Variants in EYS observed in about 807,000 individuals in gnomAD.
EYS encodes the protein EGF-like photoreceptor maintenance factor, also known as protein eyes shut homolog.
In EYS, 250 loss-of-function variants were observed where a neutral mutation model predicts 282.1. The ratio of observed to expected loss-of-function variants is 0.89; its 90% CI spans 0.80 to 0.98. The LOEUF is 0.98. Among genes scored for constraint, EYS ranks in the 50% least tolerant of loss-of-function variants. The pLI, the probability that EYS is intolerant of heterozygous loss-of-function variation, is 0.00. For synonymous variants in EYS, 1,355 were observed against 1,282.9 expected (o/e 1.06, Z -1.20); for missense variants, 4,016 against 3,709.0 (o/e 1.08, Z -2.15).
intron 36 of EYS, among the ~76,000 whole-genome samples, chr6:63,839,560 A>G (rs4710445): frequency 0.99 from 151,301 of 152,260 alleles, 75,180 homozygotes; most frequent in Middle Eastern, 1. Flanking sequence ...TATGGCCCAG[A>G]GTGGTTTTGA....
intron 37 of EYS, among the ~76,000 whole-genome samples, chr6:63,800,564 G>A (rs938610908): frequency 1.3e-5 from 2 of 152,198 alleles, no homozygotes; most frequent in African/African-American, 2.4e-5. Flanking sequence ...CACTTTGGGC[G>A]GCTGAGGTGG....
At chr6:64,308,083 C>A (rs72883959) in intron 29 of EYS, among the ~76,000 whole-genome samples, 1,788 of 152,088 alleles carry the variant, frequency 0.012, 18 homozygotes, top group Non-Finnish European at 0.018. Context: ...CTGTTTCTTG[C>A]AGTTTTTTCT....
chr6:65,209,636 G>A (rs1766123621), intron 12 of EYS, among the ~76,000 whole-genome samples: 1 of 151,896 alleles, frequency 6.6e-6, no homozygotes, highest in African/African-American at 2.4e-5. Context: ...GAACATACAT[G>A]TTTGTGGGGA....
chr6:64,023,372 T>C (rs1241518709), intron 33 of EYS, among the ~76,000 whole-genome samples: 2 of 152,210 alleles, frequency 1.3e-5, no homozygotes, highest in African/African-American at 2.4e-5. Context: ...GGGGTGGAAT[T>C]GTGGGGGTCA....
intron 12 of EYS, among the ~76,000 whole-genome samples, chr6:65,250,899 TACCTTAATG>T (rs1377455213): frequency 6.6e-6 from 1 of 151,872 alleles, no homozygotes; most frequent in Non-Finnish European, 1.5e-5. Context: ...CTAGTCCTCA[TACCTTAATG>T]TAAAATTTAG....
chr6:64,436,184 G>GT lies in EYS; in HGVS notation c.5916dup (p.Leu1973ThrfsTer11), dbSNP rs1774741085. ...AAATAATTATCTTACCTGATAAGCAGTGTATACTTTTGCCCGTTGTCCACT... is the reference window on the plus strand; with the variant it reads ...AAATAATTATCTTACCTGATAAGCAGTTGTATACTTTTGCCCGTTGTCCACT... On this transcript the variant is annotated frameshift_variant, in exon 28 of 43. Transcript: ENST00000503581. LOFTEE classifies it high-confidence loss of function. 2.6e-6 allele frequency: 4 copies of GT among 1,525,246 alleles called. No individual in the cohort carries two copies. The highest frequency in any genetic ancestry group is 3.6e-6 in the Non-Finnish European group (4 of 1,126,686). 94.5% of individuals were successfully genotyped at this position (1,525,246 alleles called of 1,614,324 possible).
At chr6:64,113,369 A>C (rs1773271360) in intron 31 of EYS, among the ~76,000 whole-genome samples, 2 of 152,144 alleles carry the variant, frequency 1.3e-5, no homozygotes, top group African/African-American at 4.8e-5. Flanking sequence ...AATATTATGT[A>C]ATCTTTTTAG....
intron 41 of EYS, among the ~76,000 whole-genome samples, chr6:63,736,015 A>G (rs1042017830): frequency 2.0e-5 from 3 of 152,142 alleles, no homozygotes; most frequent in Non-Finnish European, 4.4e-5. Flanking sequence ...ACTAAACTTG[A>G]TTATTGAGCA....
chr6:65,081,367 G>C (rs1774226226), intron 12 of EYS, among the ~76,000 whole-genome samples: 2 of 151,912 alleles, frequency 1.3e-5, no homozygotes, highest in African/African-American at 4.8e-5. Flanking sequence ...AGTCTTCCAA[G>C]CCTCTGTTTC....
chr6:64,589,640 A>G (rs1323206359), intron 26 of EYS, among the ~76,000 whole-genome samples: 1 of 152,106 alleles, frequency 6.6e-6, no homozygotes, highest in Non-Finnish European at 1.5e-5. Context: ...TCTGAATTCA[A>G]ATTCACAGAT....
At chr6:64,753,610 A>T (rs1054679298) in intron 22 of EYS, among the ~76,000 whole-genome samples, 2 of 151,766 alleles carry the variant, frequency 1.3e-5, no homozygotes, top group African/African-American at 4.8e-5. Flanking sequence ...GAGCACCCAG[A>T]TTCATACAAA....
At chr6:65,091,348 A>T (rs937376981) in intron 12 of EYS, among the ~76,000 whole-genome samples, 1 of 150,410 alleles carries the variant, frequency 6.6e-6, no homozygotes, top group African/African-American at 2.4e-5. Flanking sequence ...TACTCAGGAG[A>T]CTGAGGCAGG....
intron 8 of EYS, among the ~76,000 whole-genome samples, chr6:65,365,272 C>G (rs569168872): frequency 6.6e-6 from 1 of 151,812 alleles, no homozygotes; most frequent in South Asian, 2.1e-4. Context: ...TTTCCAGGAC[C>G]TAGGAGGATT....
intron 30 of EYS, among the ~76,000 whole-genome samples, chr6:64,248,182 C>A (rs899459150): frequency 3.9e-5 from 3 of 76,046 alleles, no homozygotes; most frequent in Non-Finnish European, 5.4e-5. Flanking sequence ...ACAGAAGAAG[C>A]TTGTGTGTGT....
chr6:64,497,819 T>C (rs1776936144), intron 26 of EYS, among the ~76,000 whole-genome samples: 1 of 152,128 alleles, frequency 6.6e-6, no homozygotes, highest in Non-Finnish European at 1.5e-5. Flanking sequence ...GGTAACTATC[T>C]TGACAAAAGG....
intron 2 of EYS, among the ~76,000 whole-genome samples, chr6:65,554,321 T>G (rs1419225782): frequency 2.0e-5 from 3 of 152,188 alleles, no homozygotes; most frequent in Non-Finnish European, 4.4e-5. Context: ...AAGCAATTAT[T>G]TGACTACATT....
At chr6:64,792,337 A>C (rs1435138867) in intron 22 of EYS, among the ~76,000 whole-genome samples, 1 of 151,966 alleles carries the variant, frequency 6.6e-6, no homozygotes, top group African/African-American at 2.4e-5. Flanking sequence ...TTACAATCCA[A>C]ATAATCAGGA....
At chr6:63,790,888 A>T (rs1770492836) in intron 37 of EYS, among the ~76,000 whole-genome samples, 1 of 152,142 alleles carries the variant, frequency 6.6e-6, no homozygotes, top group Non-Finnish European at 1.5e-5. Flanking sequence ...CCGAGCTGTA[A>T]GGTAGTGGGA....
chr6:64,852,362 A>G (rs888327848), intron 19 of EYS, among the ~76,000 whole-genome samples: 1 of 152,144 alleles, frequency 6.6e-6, no homozygotes, highest in African/African-American at 2.4e-5. Context: ...TGACTGTCTT[A>G]GCCTCCCAGC....
Sources: allele counts gnomAD v4.1 joint callset (sites outside exome capture counted in the v4.1 genomes callset), GRCh38; gene constraint gnomAD v4.1.1; transcripts MANE v1.5; gene names NCBI Gene and HGNC (gene_info 2026-07-23, HGNC 2026-07-21).